ZNF343: variants seen among roughly 807,000 people sequenced by gnomAD.
ZNF343 encodes the protein zinc finger protein 343.
In ZNF343, 11 loss-of-function variants were observed where a neutral mutation model predicts 13.8. The ratio of observed to expected loss-of-function variants is 0.80; its 90% CI spans 0.50 to 1.32. ZNF343 has a LOEUF of 1.32. Ranked by LOEUF, ZNF343 falls within the 40% of genes most tolerant of loss-of-function variation. ZNF343 has a pLI of 0.00. For missense variants in ZNF343, 658 were observed against 714.2 expected (o/e 0.92, Z 0.90); for synonymous variants, 248 against 260.0 (o/e 0.95, Z 0.44).
chr20:2,521,900 G>C (rs529564056), intron 1 of ZNF343, among the ~76,000 whole-genome samples: 1 of 152,340 alleles, frequency 6.6e-6, no homozygotes, highest in African/African-American at 2.4e-5. Flanking sequence ...TCCCCCTAGC[G>C]AGTGAGGGAA....
Position 2,483,598 on chromosome 20 carries a change from G to A in ZNF343, c.1363C>T (p.His455Tyr). The A allele has an allele frequency of 6.2e-7, 1 of 1,613,404 alleles. No individual in the cohort carries two copies. The highest frequency in any genetic ancestry group is 8.5e-7 in the Non-Finnish European group (1 of 1,179,776). ...GFCDKSTLII[H>Y]ERTHSGEKPY... The stretch of plus-strand genomic sequence containing the variant: ...TTCTCTCCAGAGTGCGTCCGCTCGT[G>A]TATGATGAGGGTTGACTTGTCACAA... Residue 455 changes from histidine to tyrosine, a missense_variant, in exon 6 of 6, where the codon CAC (histidine) becomes TAC (tyrosine). By Grantham distance (83) the His-to-Tyr change is moderately conservative. Transcript: ENST00000278772.
At chr20:2,496,475 G>C (rs1206687217) in intron 2 of ZNF343, among the ~76,000 whole-genome samples, 1 of 152,170 alleles carries the variant, frequency 6.6e-6, no homozygotes, top group Non-Finnish European at 1.5e-5. Context: ...TTGATGTGGA[G>C]GGAAATGAGA....
chr20:2,494,756 TAA>T (rs2085429977), intron 2 of ZNF343, among the ~76,000 whole-genome samples: 1 of 138,972 alleles, frequency 7.2e-6, no homozygotes, highest in Non-Finnish European at 1.6e-5. Context: ...ACGGCAGGAG[TAA>T]GACCCTGTCT....
chr20:2,489,197 G>A (rs1167425626), intron 5 of ZNF343, among the ~76,000 whole-genome samples: 1 of 152,160 alleles, frequency 6.6e-6, no homozygotes, highest in African/African-American at 2.4e-5. Context: ...TAAGGGTGTC[G>A]TGATATTTAG....
At chr20:2,522,254 C>T (rs2085785844) in intron 1 of ZNF343, among the ~76,000 whole-genome samples, 2 of 152,140 alleles carry the variant, frequency 1.3e-5, no homozygotes, top group Non-Finnish European at 2.9e-5. Flanking sequence ...AGGACATATT[C>T]CTTAATACTG....
intron 1 of ZNF343, among the ~76,000 whole-genome samples, chr20:2,507,775 G>C (rs1284819142): frequency 6.6e-6 from 1 of 152,190 alleles, no homozygotes; most frequent in African/African-American, 2.4e-5. Context: ...TGACAGGTCC[G>C]TGGCAGTTCA....
At position 2,483,076 on chromosome 20, in the gene ZNF343, C is replaced by G; in HGVS notation, c.*85G>C. On this transcript the variant is annotated 3_prime_UTR_variant, in exon 6 of 6. Transcript: ENST00000278772. ...ACAATCTGTGTACACAGGGTCTACT[C>G]CCCATGTGTCTCTCTGGGGTAACAT... 6.9e-7 allele frequency: 1 copy of G among 1,455,924 alleles called. No individual in the cohort carries two copies. The highest frequency in any genetic ancestry group is 9.3e-7 in the Non-Finnish European group (1 of 1,075,896). The allele number at this position is 1,455,924 out of a possible 1,614,324, so 90.2% of individuals were successfully genotyped here.
rs2085699953 is a variant in ZNF343 at position 2,508,290 on chromosome 20, A to G, written c.-237+591T>C. Among the ~76,000 whole-genome samples the G allele has an allele frequency of 6.6e-6, 1 of 150,906 alleles. No homozygotes were observed. The highest frequency in any genetic ancestry group is 1.5e-5 in the Non-Finnish European group (1 of 67,798). On this transcript the variant is annotated intron_variant, in intron 1 of 5. Coordinates refer to ENST00000278772, the MANE Select transcript of ZNF343 (RefSeq NM_024325.6). This position sits in a 1 kb window ranked among gnomAD's most constrained non-coding sequence, Gnocchi z 4.5. Reference sequence around the variant, plus strand: ...GCTCACCTCCACTTCCAACCCCCCAACCCCTAATAAACCAAGGTCCATCAA... The same window carrying G: ...GCTCACCTCCACTTCCAACCCCCCAGCCCCTAATAAACCAAGGTCCATCAA...
At chr20:2,506,299 G>A (rs1315785949) in intron 1 of ZNF343, among the ~76,000 whole-genome samples, 1 of 152,096 alleles carries the variant, frequency 6.6e-6, no homozygotes, top group Non-Finnish European at 1.5e-5. Context: ...GAAACAACAG[G>A]TGCTGGAGAG....
At chr20:2,514,533 A>G (rs75035763) in intron 1 of ZNF343, among the ~76,000 whole-genome samples, 2,051 of 152,352 alleles carry the variant, frequency 0.013, 35 homozygotes, top group African/African-American at 0.046. Context: ...CCATAGCCAT[A>G]CATGTTCTCA....
chr20:2,498,114 T>G (rs1220427660), intron 2 of ZNF343, among the ~76,000 whole-genome samples: 1 of 152,198 alleles, frequency 6.6e-6, no homozygotes, highest in East Asian at 1.9e-4. Flanking sequence ...CCCAGCATTT[T>G]GGGAGGCTGA....
chr20:2,523,157 T>C (rs984347280), intron 1 of ZNF343, among the ~76,000 whole-genome samples: 4 of 152,186 alleles, frequency 2.6e-5, no homozygotes, highest in Admixed American at 1.3e-4. Flanking sequence ...ATTAGCATGC[T>C]AAAAGATGCT....
intron 2 of ZNF343, among the ~76,000 whole-genome samples, chr20:2,498,024 G>A (rs2085489345): frequency 6.6e-6 from 1 of 152,194 alleles, no homozygotes; most frequent in Admixed American, 6.5e-5. Flanking sequence ...GATCCTTAAA[G>A]AGCCACTTCA....
At chr20:2,516,130 G>A (rs1420816815) in intron 1 of ZNF343, among the ~76,000 whole-genome samples, 1 of 152,068 alleles carries the variant, frequency 6.6e-6, no homozygotes, top group East Asian at 1.9e-4. Flanking sequence ...GGGTTTGGGA[G>A]AGAGCAGGCT....
At chr20:2,517,775 G>T (rs1259733074) in intron 1 of ZNF343, among the ~76,000 whole-genome samples, 2 of 151,768 alleles carry the variant, frequency 1.3e-5, no homozygotes, top group African/African-American at 4.8e-5. Context: ...CCAAAGTGCT[G>T]GGATTAAAGG....
In ZNF343 at chr20:2,493,851, T is replaced by C; in HGVS notation, c.45A>G (p.Glu15=). 5 of 1,614,000 alleles carry C rather than the reference T, an allele frequency of 3.1e-6. No individual in the cohort carries two copies. Among genetic ancestry groups the C allele is most frequent in the East Asian group, 2.2e-5 (1 of 44,868 alleles). ...CCCCATTCTTTGGAAGCAAAATCTC[T>C]TCCCAGTATTGATCTCCCAGTGCTG... ...YPSALGDQYW[E]EILLPKNGEN... is the part of the protein sequence containing the mutation. The change falls in exon 3 of 6, where the codon GAA becomes GAG. Residue 15 remains glutamate (E), a synonymous_variant. Transcript: ENST00000278772.
chr20:2,487,326 CA>C (rs1476309891), intron 5 of ZNF343, among the ~76,000 whole-genome samples: 1 of 152,188 alleles, frequency 6.6e-6, no homozygotes, highest in Non-Finnish European at 1.5e-5. Context: ...GCCTTCCAGC[CA>C]AATCCCACAT....
intron 1 of ZNF343, among the ~76,000 whole-genome samples, chr20:2,516,752 A>G (rs1381646953): frequency 6.6e-6 from 1 of 152,058 alleles, no homozygotes; most frequent in African/African-American, 2.4e-5. Flanking sequence ...GGTCCAGTGT[A>G]TGAGGCTTAG....
At chr20:2,495,962 G>A (rs1279065393) in intron 2 of ZNF343, among the ~76,000 whole-genome samples, 1 of 152,152 alleles carries the variant, frequency 6.6e-6, no homozygotes, top group Non-Finnish European at 1.5e-5. Context: ...TTACAGGCGT[G>A]AGCCACCATG....
Sources: allele counts gnomAD v4.1 joint callset (sites outside exome capture counted in the v4.1 genomes callset), GRCh38; gene constraint gnomAD v4.1.1; non-coding constraint Gnocchi (gnomAD v3.1); transcripts MANE v1.5; gene names NCBI Gene and HGNC (gene_info 2026-07-23, HGNC 2026-07-21).